Variants in MAGT1 observed in about 807,000 individuals in gnomAD.
MAGT1 encodes the protein dolichyl-diphosphooligosaccharide--protein glycosyltransferase subunit MAGT1.
Under a neutral mutation model 28.4 loss-of-function variants are expected in MAGT1, and 4 were observed. That is an observed-to-expected ratio of 0.14 (90% CI 0.07 to 0.32). MAGT1 has a LOEUF of 0.32. Among genes scored for constraint, MAGT1 ranks in the 10% least tolerant of loss-of-function variants. The probability of loss-of-function intolerance (pLI) is 1.00; values close to 1 mark genes in which losing one functional copy is unlikely to be tolerated. For missense variants in MAGT1, 193 were observed against 264.5 expected, an observed-to-expected ratio of 0.73 and a Z score of 1.88; for synonymous variants, 89 against 89.7, an observed-to-expected ratio of 0.99 and a Z score of 0.04.
chrX:77,861,186 A>T lies in MAGT1; in HGVS notation c.391-3689T>A, dbSNP rs186933098. 1.3e-4 allele frequency among the ~76,000 whole-genome samples: 14 copies of T among 110,528 alleles called. No individual in the cohort carries two copies. The East Asian group carries it at 3.7e-3, about 29-fold the overall frequency. On this transcript the variant is annotated intron_variant, in intron 3 of 9. Transcript: ENST00000618282. ...AAGAGTGAAACTCTATCTCAAAAAA[A>T]AAAAAGGCAACACACACACACAATG... is the stretch of plus-strand genomic sequence containing the variant.
intron 1 of MAGT1, among the ~76,000 whole-genome samples, chrX:77,892,256 T>C (rs1383553413): frequency 8.9e-6 from 1 of 112,126 alleles, no homozygotes. Context: ...TTATAGTAGA[T>C]AGACCTGGAA....
Position 77,856,883 on chromosome X carries a change from A to G in MAGT1, c.532-10T>C. On this transcript the variant is annotated splice_polypyrimidine_tract_variant and intron_variant, in intron 4 of 9. Transcript: ENST00000618282. Reference sequence around the variant, plus strand: ...GTCTAATCACTCTAATCTAATGGAAAGGAGAGAAAAACATGTTAAAGTATA... The same window carrying G: ...GTCTAATCACTCTAATCTAATGGAAGGGAGAGAAAAACATGTTAAAGTATA... 8.4e-7 allele frequency: 1 copy of G among 1,192,954 alleles called. No individual in the cohort carries two copies. Among genetic ancestry groups the G allele is most frequent in the Non-Finnish European group, 1.1e-6 (1 of 881,735 alleles).
At chrX:77,882,735 G>A (rs781858681) in intron 1 of MAGT1, among the ~76,000 whole-genome samples, 3 of 109,736 alleles carry the variant, frequency 2.7e-5, no homozygotes, top group East Asian at 2.8e-4. Context: ...GGGAGGCTGA[G>A]GAGTGAGGAC....
chrX:77,863,159 CA>C (rs1284783148), intron 3 of MAGT1, among the ~76,000 whole-genome samples: 9 of 104,515 alleles, frequency 8.6e-5, no homozygotes, highest in South Asian at 4.2e-4. Flanking sequence ...GACTCCATCT[CA>C]AAAAAAAAGG....
chrX:77,846,220 C>T (rs1040691585), intron 7 of MAGT1, among the ~76,000 whole-genome samples: 6 of 111,931 alleles, frequency 5.4e-5, no homozygotes, highest in African/African-American at 1.9e-4. Context: ...TCCAGCTGAT[C>T]GAATCGGCTA....
At chrX:77,835,093 C>T (rs1354375811) in intron 8 of MAGT1, among the ~76,000 whole-genome samples, 2 of 108,294 alleles carry the variant, frequency 1.8e-5, no homozygotes, top group African/African-American at 6.7e-5. Context: ...GTAGCTGGGA[C>T]TACAGGTGCC....
At chrX:77,847,138 G>T (rs1334965743) in intron 7 of MAGT1, among the ~76,000 whole-genome samples, 3 of 112,152 alleles carry the variant, frequency 2.7e-5, no homozygotes, top group African/African-American at 9.7e-5. Context: ...AATGGTGGGT[G>T]CCCCTCCCCC....
Position 77,828,930 on chromosome X carries a change from G to T in MAGT1, c.*290C>A. 4.4e-6 allele frequency: 1 copy of T among 226,106 alleles called. No individual in the cohort carries two copies. Among genetic ancestry groups the T allele is most frequent in the Non-Finnish European group, 8.0e-6 (1 of 125,427 alleles). The allele number at this position is 226,106 out of a possible 1,213,427, so 18.6% of individuals were successfully genotyped here. On this transcript the variant is annotated 3_prime_UTR_variant, in exon 10 of 10. Coordinates refer to ENST00000618282, the MANE Select transcript of MAGT1 (RefSeq NM_001367916.1). ...GCTTTGTTCTAACTAAAACAAAGTA[G>T]TAGTTTTACAATTTTTATAATATAC...
intron 8 of MAGT1, among the ~76,000 whole-genome samples, chrX:77,832,634 G>T (rs1343006424): frequency 9.2e-6 from 1 of 109,154 alleles, no homozygotes; most frequent in African/African-American, 3.3e-5. Context: ...TTCAAGACCA[G>T]CCTGGCCAAG....
At chrX:77,852,182 C>T (rs181673462) in intron 7 of MAGT1, among the ~76,000 whole-genome samples, 7 of 112,096 alleles carry the variant, frequency 6.2e-5, no homozygotes, top group Non-Finnish European at 1.1e-4. Context: ...GGATTACAGG[C>T]ATGAGCCACC....
At chrX:77,880,917 C>T (rs1165158772) in intron 1 of MAGT1, among the ~76,000 whole-genome samples, 2 of 98,202 alleles carry the variant, frequency 2.0e-5, no homozygotes, top group Non-Finnish European at 4.0e-5. Flanking sequence ...AAGATGGCAC[C>T]ACTGTACTCC....
chrX:77,848,811 G>A (rs2076959054), intron 7 of MAGT1, among the ~76,000 whole-genome samples: 2 of 110,802 alleles, frequency 1.8e-5, no homozygotes, highest in Non-Finnish European at 3.8e-5. Flanking sequence ...CCAGGAGATT[G>A]AGACCAGCCT....
intron 3 of MAGT1, among the ~76,000 whole-genome samples, chrX:77,865,922 A>G (rs62614898): frequency 0.33 from 23,059 of 70,941 alleles, 6,725 homozygotes; most frequent in Non-Finnish European, 0.54. Flanking sequence ...TTGGGAGGCC[A>G]AGGCGGGCAG....
Position 77,829,165 on chromosome X carries a change from G to T in MAGT1, c.*55C>A, listed in dbSNP as rs781887548. On this transcript the variant is annotated 3_prime_UTR_variant, in exon 10 of 10. Transcript: ENST00000618282. ...TGCATTCTTCTTTTCAAACACACACGATTTTCGTTTTTCAATTTCCAGTAC... is the reference window on the plus strand; with the variant it reads ...TGCATTCTTCTTTTCAAACACACACTATTTTCGTTTTTCAATTTCCAGTAC... 1.9e-6 allele frequency: 2 copies of T among 1,047,182 alleles called. No homozygotes were observed. Among genetic ancestry groups the T allele is most frequent in the Non-Finnish European group, 1.3e-6 (1 of 749,749 alleles). 86.3% of individuals were successfully genotyped at this position (1,047,182 alleles called of 1,213,427 possible). A position where few individuals can be genotyped will look rare whatever the true frequency, so the allele number is the denominator to read the frequency against.
At chrX:77,872,094 G>A (rs2077021915) in intron 2 of MAGT1, among the ~76,000 whole-genome samples, 1 of 109,248 alleles carries the variant, frequency 9.2e-6, no homozygotes, top group Admixed American at 9.9e-5. Context: ...CCAGGCTGGA[G>A]TGCAGTGGCT....
intron 8 of MAGT1, chrX:77,837,165 C>T (rs1368704242): frequency 9.0e-6 from 1 of 111,201 alleles, no homozygotes; most frequent in Non-Finnish European, 1.9e-5. Flanking sequence ...CAAGAATAAA[C>T]ACTGAAATAG....
chrX:77,894,588 A>G (rs1341566903), intron 1 of MAGT1, among the ~76,000 whole-genome samples: 1 of 112,073 alleles, frequency 8.9e-6, no homozygotes, highest in African/African-American at 3.2e-5. Context: ...AGTAGTCTTA[A>G]AGTCCTAAGA....
In MAGT1 at chrX:77,834,253, T is replaced by C. The variant is rs374234783; in HGVS notation, c.902-3358A>G. On this transcript the variant is annotated intron_variant, in intron 8 of 9. Coordinates refer to ENST00000618282, the MANE Select transcript of MAGT1 (RefSeq NM_001367916.1). ...ATATATGTATATATATGCATATATATACATGTGTGTATATATGCATATATG... is the reference window on the plus strand; with the variant it reads ...ATATATGTATATATATGCATATATACACATGTGTGTATATATGCATATATG... Among the ~76,000 whole-genome samples, 123 of 59,862 alleles carry C rather than the reference T, an allele frequency of 2.1e-3. 1 individual carries two copies. In the East Asian group the frequency reaches 0.044, roughly 21 times the overall value. 52.0% of individuals were successfully genotyped at this position (59,862 alleles called of 115,157 possible). A position where few individuals can be genotyped will look rare whatever the true frequency, so the allele number is the denominator to read the frequency against.
intron 1 of MAGT1, among the ~76,000 whole-genome samples, chrX:77,876,160 ATATATTTTTTTT>A (rs2077033967): frequency 3.1e-5 from 1 of 32,178 alleles, no homozygotes; most frequent in African/African-American, 1.1e-4. Flanking sequence ...ATATATATAT[ATATATTTTTTTT>A]TTTTTTTTTT....
Sources: allele counts gnomAD v4.1 joint callset (sites outside exome capture counted in the v4.1 genomes callset), GRCh38; gene constraint gnomAD v4.1.1; transcripts MANE v1.5; gene names NCBI Gene and HGNC (gene_info 2026-07-23, HGNC 2026-07-21).